The following CACNB2 variants were observed in gnomAD, a reference collection of about 807,000 sequenced individuals.
The protein encoded by CACNB2 is voltage-dependent L-type calcium channel subunit beta-2.
In CACNB2, 42 loss-of-function variants were observed where a neutral mutation model predicts 73.3. That is an observed-to-expected ratio of 0.57 (90% confidence interval 0.45 to 0.74). CACNB2 has a LOEUF of 0.74. Ranked by LOEUF, CACNB2 falls within the 30% of genes least tolerant of loss-of-function variation. The probability of loss-of-function intolerance (pLI) is 0.00; values close to 1 mark genes in which losing one functional copy is unlikely to be tolerated. For missense variants in CACNB2, 940 were observed against 853.0 expected (o/e 1.10, Z -1.27); for synonymous variants, 348 against 310.3 (o/e 1.12, Z -1.28).
In CACNB2 at chr10:18,323,968, A is replaced by G. The variant is rs564770388; in HGVS notation, c.214-77956A>G. ...AAATGGCATGTTATATTCCATGAAT[A>G]GCCTGCTGATGTACAACAGATAAAA... On this transcript the variant is annotated intron_variant, in intron 2 of 13. Transcript: ENST00000324631. 5.4e-4 allele frequency among the ~76,000 whole-genome samples: 82 copies of G among 152,368 alleles called. 1 individual carries two copies. The South Asian group carries it at 0.016, about 30-fold the overall frequency.
chr10:18,327,727 C>T (rs573911678), intron 2 of CACNB2, among the ~76,000 whole-genome samples: 13 of 152,144 alleles, frequency 8.5e-5, no homozygotes, highest in Non-Finnish European at 1.5e-4. Flanking sequence ...CCACGCCCAG[C>T]CCCAGTCATG....
At chr10:18,396,887 T>G (rs1273199696) in intron 2 of CACNB2, among the ~76,000 whole-genome samples, 3 of 152,144 alleles carry the variant, frequency 2.0e-5, no homozygotes, top group African/African-American at 7.2e-5. Flanking sequence ...TTTTGATGAG[T>G]TATAGCTTTG....
At chr10:18,464,152 T>C (rs2132698247) in intron 3 of CACNB2, among the ~76,000 whole-genome samples, 1 of 151,934 alleles carries the variant, frequency 6.6e-6, no homozygotes, top group East Asian at 1.9e-4. Context: ...TGGACATCTC[T>C]TGCCAGTTCT....
At chr10:18,196,357 ATCATGGCTCATTGCAGCAGCCTGG>A (rs1261125983) in intron 2 of CACNB2, among the ~76,000 whole-genome samples, 1 of 146,720 alleles carries the variant, frequency 6.8e-6, no homozygotes, top group Non-Finnish European at 1.5e-5. Context: ...CAGTGGCCTG[ATCATGGCTCATTGCAGCAGCCTGG>A]TCATGGCTCA....
At chr10:18,536,442 T>C (rs1372181605) in intron 12 of CACNB2, among the ~76,000 whole-genome samples, 1 of 151,396 alleles carries the variant, frequency 6.6e-6, no homozygotes, top group Non-Finnish European at 1.5e-5. Flanking sequence ...TTTTTCCCCC[T>C]GTAGAGACGG....
At chr10:18,438,040 T>C (rs1278737571) in intron 3 of CACNB2, among the ~76,000 whole-genome samples, 5 of 99,954 alleles carry the variant, frequency 5.0e-5, no homozygotes, top group South Asian at 4.0e-4. Flanking sequence ...TTTTTTGAGA[T>C]GAAGTCTCGC....
chr10:18,216,770 A>T (rs867880718), intron 2 of CACNB2, among the ~76,000 whole-genome samples: 1 of 152,176 alleles, frequency 6.6e-6, no homozygotes, highest in Admixed American at 6.5e-5. Flanking sequence ...GCTATTCCTT[A>T]ATCTCTCCAA....
chr10:18,528,648 AC>A (rs1448736323), intron 10 of CACNB2, among the ~76,000 whole-genome samples: 1 of 152,220 alleles, frequency 6.6e-6, no homozygotes, highest in Non-Finnish European at 1.5e-5. Flanking sequence ...TGAGCATGAT[AC>A]ATTATAGAAC....
At chr10:18,377,907 T>G (rs2042866764) in intron 2 of CACNB2, among the ~76,000 whole-genome samples, 4 of 152,174 alleles carry the variant, frequency 2.6e-5, no homozygotes, top group Non-Finnish European at 5.9e-5. Flanking sequence ...CATTTAAATT[T>G]TTACCCAGAC....
intron 2 of CACNB2, among the ~76,000 whole-genome samples, chr10:18,193,552 G>A (rs2131277909): frequency 6.6e-6 from 1 of 152,240 alleles, no homozygotes; most frequent in African/African-American, 2.4e-5. Flanking sequence ...GGCCTCTGCA[G>A]GGCAGTACTC....
rs1400235715 is a variant in CACNB2 at position 18,316,783 on chromosome 10, C to T, written c.214-85141C>T. On this transcript the variant is annotated intron_variant, in intron 2 of 13. Transcript: ENST00000324631. ...GGTCCCTAGGAAAGATCTTAACCTACTCAATAAGCCTATAAGAATAAATAA... is the reference window on the plus strand; with the variant it reads ...GGTCCCTAGGAAAGATCTTAACCTATTCAATAAGCCTATAAGAATAAATAA... Among the ~76,000 whole-genome samples, 3 of 152,160 alleles carry T rather than the reference C, an allele frequency of 2.0e-5. No homozygotes were observed. The East Asian group carries it at 5.8e-4, about 29-fold the overall frequency.
intron 9 of CACNB2, among the ~76,000 whole-genome samples, chr10:18,521,973 T>A (rs1277846369): frequency 1.3e-5 from 2 of 151,738 alleles, no homozygotes; most frequent in African/African-American, 2.4e-5. Context: ...GGCAGGGGAG[T>A]GTGCAAAGCT....
At chr10:18,363,310 A>G (rs1287737837) in intron 2 of CACNB2, among the ~76,000 whole-genome samples, 1 of 152,146 alleles carries the variant, frequency 6.6e-6, no homozygotes, top group Admixed American at 6.5e-5. Context: ...TTCAGACATA[A>G]CACCTATGGT....
At chr10:18,335,338 G>T (rs556034896) in intron 2 of CACNB2, among the ~76,000 whole-genome samples, 4 of 152,160 alleles carry the variant, frequency 2.6e-5, no homozygotes, top group Non-Finnish European at 5.9e-5. Context: ...GCTTTGGGAC[G>T]CCAAGGTGGG....
chr10:18,240,130 G>C (rs555256186), intron 2 of CACNB2, among the ~76,000 whole-genome samples: 1 of 152,136 alleles, frequency 6.6e-6, no homozygotes, highest in Non-Finnish European at 1.5e-5. Context: ...AATGGTTCAC[G>C]CTTTGAACTA....
At chr10:18,406,210 A>G (rs774610306) in intron 3 of CACNB2, among the ~76,000 whole-genome samples, 130 of 152,198 alleles carry the variant, frequency 8.5e-4, no homozygotes, top group Admixed American at 3.6e-3. Context: ...AAGGTGGAAT[A>G]CAATAGGTTG....
intron 1 of CACNB2, 95 bp from the exon 2 acceptor site, chr10:18,150,788 G>A (rs2031449387): frequency 2.7e-6 from 2 of 730,882 alleles, no homozygotes; most frequent in Admixed American, 2.7e-5. Flanking sequence ...ACTTGTTTTT[G>A]GTCTTTGACA....
chr10:18,332,604 C>A (rs2040848190), intron 2 of CACNB2, among the ~76,000 whole-genome samples: 1 of 152,060 alleles, frequency 6.6e-6, no homozygotes, highest in African/African-American at 2.4e-5. Flanking sequence ...GAGGAAATCT[C>A]TTCAGATGGC....
chr10:18,145,164 A>G (rs1235240394), intron 1 of CACNB2, among the ~76,000 whole-genome samples: 2 of 152,226 alleles, frequency 1.3e-5, no homozygotes, highest in Non-Finnish European at 2.9e-5. Flanking sequence ...CTTTTCAAGC[A>G]TGTTGTGGTA....
Sources: allele counts gnomAD v4.1 joint callset (sites outside exome capture counted in the v4.1 genomes callset), GRCh38; gene constraint gnomAD v4.1.1; transcripts MANE v1.5; gene names NCBI Gene and HGNC (gene_info 2026-07-23, HGNC 2026-07-21).